The following SLC2A9 variants were observed in gnomAD, a reference collection of about 807,000 sequenced individuals.
The protein encoded by SLC2A9 is solute carrier family 2, facilitated glucose transporter member 9.
A neutral mutation model predicts 50.6 loss-of-function variants in SLC2A9; 39 were observed. That is an observed-to-expected ratio of 0.77 (90% CI 0.60 to 1.01). The LOEUF is 1.01. Among genes scored for constraint, SLC2A9 ranks in the 50% least tolerant of loss-of-function variants. SLC2A9 has a pLI of 0.00. For missense variants in SLC2A9, 686 were observed against 677.6 expected (o/e 1.01, Z -0.14); for synonymous variants, 324 against 276.9 (o/e 1.17, Z -1.69).
In SLC2A9 at chr4:9,885,874, G is replaced by C. The variant is rs966271099; in HGVS notation, c.1291+1693C>G. Among the ~76,000 whole-genome samples the C allele has an allele frequency of 3.3e-5, 5 of 152,348 alleles. No homozygotes were observed. The South Asian group carries it at 1.0e-3, about 32-fold the overall frequency. Reference sequence around the variant, plus strand: ...GTGTCCACACTACCATGGCAGAGGTGAGTAGTTGTGATAGAGAATGCATGG... The same window carrying C: ...GTGTCCACACTACCATGGCAGAGGTCAGTAGTTGTGATAGAGAATGCATGG... On this transcript the variant is annotated intron_variant, in intron 10 of 11. Transcript: ENST00000264784.
At chr4:9,835,719 G>C (rs970875631) in intron 10 of SLC2A9, among the ~76,000 whole-genome samples, 7 of 152,140 alleles carry the variant, frequency 4.6e-5, no homozygotes, top group African/African-American at 1.4e-4. Context: ...GTGAGTCCAG[G>C]AATGGAAAAC....
chr4:10,025,873 G>A (rs770226422), upstream of SLC2A9: 3 of 1,596,394 alleles, frequency 1.9e-6, no homozygotes, highest in East Asian at 2.2e-5. Flanking sequence ...GAATAATCAT[G>A]TAAGGGAGAC....
downstream of SLC2A9, among the ~76,000 whole-genome samples, chr4:9,796,331 C>T (rs899499690): frequency 1.3e-5 from 2 of 152,196 alleles, no homozygotes; most frequent in African/African-American, 4.8e-5. Context: ...CTCCACAGCC[C>T]TATCTTTCTC....
chr4:10,020,749 A>G (rs1184443043), intron 1 of SLC2A9, among the ~76,000 whole-genome samples: 1 of 151,568 alleles, frequency 6.6e-6, no homozygotes, highest in African/African-American at 2.4e-5. Flanking sequence ...GAGGACACAA[A>G]CTCCTCCCTG....
chr4:9,981,846 T>C (rs994462814), intron 4 of SLC2A9, among the ~76,000 whole-genome samples: 10 of 152,082 alleles, frequency 6.6e-5, no homozygotes, highest in African/African-American at 2.2e-4. Flanking sequence ...TTCTATCATC[T>C]CAAAATCCTT....
intron 9 of SLC2A9, among the ~76,000 whole-genome samples, chr4:9,890,163 G>A (rs989609567): frequency 1.3e-5 from 2 of 152,178 alleles, no homozygotes; most frequent in Non-Finnish European, 2.9e-5. Context: ...AAAAGCCAGG[G>A]TCCACACAGG....
At chr4:9,938,518 AC>A (rs1188087278) in intron 6 of SLC2A9, among the ~76,000 whole-genome samples, 1 of 151,910 alleles carries the variant, frequency 6.6e-6, no homozygotes, top group Non-Finnish European at 1.5e-5. Context: ...TGATCTGCCC[AC>A]CTCGGCCTCC....
chr4:9,950,379 GC>G (rs1310775958), intron 5 of SLC2A9, among the ~76,000 whole-genome samples: 4 of 152,078 alleles, frequency 2.6e-5, no homozygotes, highest in Admixed American at 2.6e-4. Flanking sequence ...CCCACATAGA[GC>G]CCCCCCATGG....
intron 5 of SLC2A9, among the ~76,000 whole-genome samples, chr4:9,970,450 C>T (rs533778472): frequency 6.6e-6 from 1 of 152,074 alleles, no homozygotes; most frequent in Non-Finnish European, 1.5e-5. Context: ...AGTACAGAAG[C>T]TGGGCATCCC....
chr4:9,873,857 T>C (rs1577639326), intron 10 of SLC2A9, among the ~76,000 whole-genome samples: 1 of 152,312 alleles, frequency 6.6e-6, no homozygotes, highest in African/African-American at 2.4e-5. Flanking sequence ...CCGATACAAA[T>C]TCCTTAGTGA....
In SLC2A9 at chr4:9,850,791, A is replaced by C. The variant is rs563818716; in HGVS notation, c.1292-15783T>G. Among the ~76,000 whole-genome samples the C allele has an allele frequency of 6.8e-4, 104 of 152,174 alleles. No homozygotes were observed. In the South Asian group the frequency reaches 0.021, roughly 30 times the overall value. ...CCTCTCTTCCAGCACATGTGTGTGCATTCATCACATAATGCCACCACTGCT... is the reference window on the plus strand; with the variant it reads ...CCTCTCTTCCAGCACATGTGTGTGCCTTCATCACATAATGCCACCACTGCT... On this transcript the variant is annotated intron_variant, in intron 10 of 11. Coordinates refer to ENST00000264784, the MANE Select transcript of SLC2A9 (RefSeq NM_020041.3).
At chr4:9,904,969 C>T (rs1043287111) in intron 8 of SLC2A9, among the ~76,000 whole-genome samples, 4 of 152,212 alleles carry the variant, frequency 2.6e-5, no homozygotes, top group Non-Finnish European at 5.9e-5. Context: ...CTAACTTCTG[C>T]TGGCCCTTCA....
chr4:9,962,668 T>A (rs1193940807), intron 5 of SLC2A9, among the ~76,000 whole-genome samples: 1 of 152,074 alleles, frequency 6.6e-6, no homozygotes, highest in Non-Finnish European at 1.5e-5. Context: ...ATGACACATG[T>A]TTACCCGTGT....
intron 10 of SLC2A9, among the ~76,000 whole-genome samples, chr4:9,836,405 T>C (rs368064272): frequency 1.1e-4 from 16 of 152,026 alleles, no homozygotes; most frequent in African/African-American, 3.9e-4. Flanking sequence ...ATTTTGGCAG[T>C]GGGTGGAGAA....
At chr4:9,962,178 A>C (rs573957711) in intron 5 of SLC2A9, among the ~76,000 whole-genome samples, 1 of 152,354 alleles carries the variant, frequency 6.6e-6, no homozygotes, top group South Asian at 2.1e-4. Flanking sequence ...AAAGACCTAG[A>C]ACCAGAAATA....
chr4:9,772,277 G>T lies in SLC2A9; in HGVS notation n.182-908C>A, dbSNP rs184911655. Among the ~76,000 whole-genome samples the T allele has an allele frequency of 2.0e-5, 3 of 152,254 alleles. No individual in the cohort carries two copies. In the East Asian group the frequency reaches 5.8e-4, roughly 29 times the overall value. The stretch of plus-strand genomic sequence containing the variant: ...GGGGATGGATAGAAGGGGTTGGCTG[G>T]TGGAGCCATTTTGAGATAATGAATC... On this transcript the variant is annotated intron_variant and non_coding_transcript_variant, in intron 1 of 1. Transcript: ENST00000508585.
intron 10 of SLC2A9, among the ~76,000 whole-genome samples, chr4:9,849,924 G>C (rs569414028): frequency 3.5e-4 from 53 of 152,146 alleles, no homozygotes; most frequent in Non-Finnish European, 7.2e-4. Context: ...ATGGTGCTGG[G>C]AGGGGGTGTT....
At chr4:9,783,847 G>C (rs1052992321) in intron 3 of SLC2A9, 1 of 207,658 alleles carries the variant, frequency 4.8e-6, no homozygotes, top group Non-Finnish European at 1.1e-5. Flanking sequence ...CAGGTTGTGT[G>C]TGTGTGCAGT....
chr4:9,980,478 G>T (rs2109084857), intron 5 of SLC2A9, 114 bp downstream of exon 5: 1 of 1,408,034 alleles, frequency 7.1e-7, no homozygotes, highest in Non-Finnish European at 1.0e-6. Context: ...TAAGTAAGAG[G>T]CTTGAATACC....
Sources: gnomAD v4.1 joint callset for allele counts (sites outside exome capture counted in the v4.1 genomes callset) on GRCh38, gnomAD v4.1.1 for gene constraint, MANE v1.5 for transcripts, NCBI Gene and HGNC (gene_info 2026-07-23, HGNC 2026-07-21) for gene names.